RPLP0: variants seen among roughly 807,000 people sequenced by gnomAD.
RPLP0 encodes the protein large ribosomal subunit protein uL10.
For missense variants in RPLP0, 276 were observed against 402.9 expected (o/e 0.69, Z 2.70); for synonymous variants, 137 against 153.4 (o/e 0.89, Z 0.79).
In RPLP0 at chr12:120,196,941, G is replaced by C. The variant is rs1486026136; in HGVS notation, c.793-7C>G. Reference sequence around the variant, plus strand: ...CAGCCAAGAAGGCCTTGACCTGAAAGGAGGGGGGAAGTGGTCAAAATGGTC... The same window carrying C: ...CAGCCAAGAAGGCCTTGACCTGAAACGAGGGGGGAAGTGGTCAAAATGGTC... On this transcript the variant is annotated splice_polypyrimidine_tract_variant and splice_region_variant and intron_variant, in intron 7 of 7. Transcript: ENST00000392514. 1.9e-6 allele frequency: 3 copies of C among 1,613,228 alleles called. No homozygotes were observed. Among genetic ancestry groups the C allele is most frequent in the Middle Eastern group, 1.8e-4 (1 of 5,520 alleles).
At chr12:120,199,663 G>T in intron 2 of RPLP0, 178 bp from the exon 3 acceptor site, 1 of 621,562 alleles carries the variant, frequency 1.6e-6, no homozygotes, top group Non-Finnish European at 2.8e-6. Flanking sequence ...TGGCTAGCTG[G>T]GTATGAACGC....
intron 2 of RPLP0, chr12:120,200,392 AG>A: frequency 9.0e-6 from 3 of 331,920 alleles, no homozygotes; most frequent in Non-Finnish European, 1.7e-5. Context: ...GAACCTGGGA[AG>A]CGGAGGTTGC....
rs1471088570 is a variant in RPLP0, at chr12:120,197,189, A to G, written c.792+133T>C. On this transcript the variant is annotated intron_variant, in intron 7 of 7. Coordinates refer to ENST00000392514, the MANE Select transcript of RPLP0 (RefSeq NM_001002.4). ...TGAGAAACGCCTTCCCTGCCTCCCAACCTCTCAAATATCCCCTCACAAAAT... is the reference window on the plus strand; with the variant it reads ...TGAGAAACGCCTTCCCTGCCTCCCAGCCTCTCAAATATCCCCTCACAAAAT... 1.9e-5 allele frequency: 20 copies of G among 1,031,924 alleles called. No homozygotes were observed. The Admixed American group carries it at 3.5e-4, about 18-fold the overall frequency. 63.9% of individuals were successfully genotyped at this position (1,031,924 alleles called of 1,614,324 possible). A position where few individuals can be genotyped will look rare whatever the true frequency, so the allele number is the denominator to read the frequency against.
rs1879449606 is a variant in RPLP0, at chr12:120,201,098, C to T, written c.-64G>A. ...GCACACGAACCTTCCACGAGGACGC[C>T]TGGCGAGAGAAGGGCCTCGCGCCCG... On this transcript the variant is annotated 5_prime_UTR_variant, in exon 1 of 8. Transcript: ENST00000392514. 5.5e-6 allele frequency: 2 copies of T among 360,914 alleles called. No individual in the cohort carries two copies. 22.4% of individuals were successfully genotyped at this position (360,914 alleles called of 1,614,324 possible).
intron 4 of RPLP0, 30 bp from the exon 5 acceptor site, chr12:120,199,030 C>G (rs752644484): frequency 8.1e-6 from 13 of 1,613,676 alleles, no homozygotes; most frequent in Non-Finnish European, 2.5e-6. Flanking sequence ...GTGAGAAAAG[C>G]CTCTCCACTC....
chr12:120,197,146 C>T lies in RPLP0; in HGVS notation c.792+176G>A. 2.9e-6 allele frequency: 3 copies of T among 1,027,478 alleles called. No individual in the cohort carries two copies. In the East Asian group the frequency reaches 7.2e-5, roughly 25 times the overall value. The allele number at this position is 1,027,478 out of a possible 1,614,324, so 63.6% of individuals were successfully genotyped here. A position where few individuals can be genotyped will look rare whatever the true frequency, so the allele number is the denominator to read the frequency against. On this transcript the variant is annotated intron_variant, in intron 7 of 7. Transcript: ENST00000392514. ...TTGCCCATTAACCCCCTCTTTGGGT[C>T]TCTTGTCATTTCTCAAGTGAGAAAC...
chr12:120,200,683 T>TGC (rs771741866), intron 2 of RPLP0, 47 bp downstream of exon 2: 1 of 1,588,552 alleles, frequency 6.3e-7, no homozygotes, highest in East Asian at 2.3e-5. Context: ...TGTCCCTATT[T>TGC]GCGCTGGGGC....
intron 7 of RPLP0, 59 bp downstream of exon 7, chr12:120,197,263 C>T: frequency 4.0e-6 from 6 of 1,486,708 alleles, no homozygotes; most frequent in Non-Finnish European, 5.6e-6. Flanking sequence ...TAGAAGGCCA[C>T]ATCACCCTGC....
chr12:120,196,973 ACTC>A (rs1473897204), intron 7 of RPLP0, 39 bp from the exon 8 acceptor site: 15 of 1,611,044 alleles, frequency 9.3e-6, no homozygotes, highest in Non-Finnish European at 1.3e-5. Context: ...GGTCATCCAC[ACTC>A]CTCTATTACC....
At chr12:120,199,848 C>G (rs1049204413) in intron 2 of RPLP0, 4 of 362,160 alleles carry the variant, frequency 1.1e-5, no homozygotes, top group South Asian at 4.3e-5. Flanking sequence ...TTAAAAGCAC[C>G]ACGTTAAGCA....
Position 120,198,680 on chromosome 12 carries a change from C to A in RPLP0, c.525G>T (p.Leu175=). 6.2e-7 allele frequency: 1 copy of A among 1,614,116 alleles called. No homozygotes were observed. Among genetic ancestry groups the A allele is most frequent in the Non-Finnish European group, 8.5e-7 (1 of 1,179,984 alleles). ...AGAAGGGGGAGATGTTGAGCATGTT[C>A]AGCAGCGTGGCTTCGCTGGCTCCCA... is the stretch of plus-strand genomic sequence containing the variant. ...DKVGASEATL[L]NMLNISPFSF... The change falls in exon 6 of 8, where the codon CTG becomes CTT. Residue 175 remains leucine, a synonymous_variant. Coordinates refer to ENST00000392514, the MANE Select transcript of RPLP0 (RefSeq NM_001002.4). The surrounding 1 kb of genome is among the most constrained non-coding windows in gnomAD (Gnocchi z 4.1).
At chr12:120,201,007 G>T in intron 1 of RPLP0, 76 bp downstream of exon 1, 1 of 635,300 alleles carries the variant, frequency 1.6e-6, no homozygotes, top group Non-Finnish European at 2.5e-6. Context: ...AGGACTCCAT[G>T]TTCCCAAAGG....
rs1007704569 is a variant in RPLP0, at chr12:120,201,088, A to G, written c.-54T>C. 1 of 363,900 alleles carries G rather than the reference A, an allele frequency of 2.7e-6. No individual in the cohort carries two copies. The highest frequency in any genetic ancestry group is 2.1e-5 in the African/African-American group (1 of 47,646). 22.5% of individuals were successfully genotyped at this position (363,900 alleles called of 1,614,324 possible). On this transcript the variant is annotated 5_prime_UTR_variant, in exon 1 of 8. Transcript: ENST00000392514. ...CATCTAACTAGCACACGAACCTTCC[A>G]CGAGGACGCCTGGCGAGAGAAGGGC...
rs528888750 is a variant in RPLP0 at position 120,197,946 on chromosome 12, T to C, written c.652-484A>G. On this transcript the variant is annotated intron_variant, in intron 6 of 7. Coordinates refer to ENST00000392514, the MANE Select transcript of RPLP0 (RefSeq NM_001002.4). ...TATTTAAAGGGCATTATTTTTTTTG[T>C]GAGACAGAGTCTCACTCTGTCACTC... is the stretch of plus-strand genomic sequence containing the variant. 2.2e-4 allele frequency: 36 copies of C among 164,730 alleles called. No individual in the cohort carries two copies. The South Asian group carries it at 5.0e-3, about 23-fold the overall frequency. The allele number at this position is 164,730 out of a possible 1,614,324, so 10.2% of individuals were successfully genotyped here.
chr12:120,199,395 C>T lies in RPLP0; in HGVS notation c.145G>A (p.Gly49Arg), dbSNP rs12580544. 19 of 1,614,022 alleles carry T rather than the reference C, an allele frequency of 1.2e-5. No individual in the cohort carries two copies. Among genetic ancestry groups the T allele is most frequent in the East Asian group, 8.9e-5 (4 of 44,894 alleles). ...QMQQIRMSLR[G>R]KAVVLMGKNT... ...TTGCCCATCAGCACCACAGCCTTCC[C>T]GCGAAGGGACATGCGGATCTGCTGC... Residue 49 changes from glycine to arginine, a missense_variant, in exon 3 of 8, where the codon GGG becomes AGG. Coordinates refer to ENST00000392514, the MANE Select transcript of RPLP0 (RefSeq NM_001002.4).
Position 120,198,334 on chromosome 12 carries a change from G to A in RPLP0, c.651+220C>T. On this transcript the variant is annotated intron_variant, in intron 6 of 7. Coordinates refer to ENST00000392514, the MANE Select transcript of RPLP0 (RefSeq NM_001002.4). The surrounding 1 kb of genome is among the most constrained non-coding windows in gnomAD (Gnocchi z 4.1). ...CGGAGGCGGAGCTTGCAGTGAGCCG[G>A]GAGATTGTGCCACTGCACTCCAGCC... 2 of 529,322 alleles carry A rather than the reference G, an allele frequency of 3.8e-6. No homozygotes were observed. The highest frequency in any genetic ancestry group is 6.8e-6 in the Non-Finnish European group (2 of 296,160). The allele number at this position is 529,322 out of a possible 1,614,324, so 32.8% of individuals were successfully genotyped here.
chr12:120,198,402 A>AAAC lies in RPLP0; in HGVS notation c.651+151_651+152insGTT, dbSNP rs1555304472. On this transcript the variant is annotated intron_variant, in intron 6 of 7. Transcript: ENST00000392514. The surrounding 1 kb of genome is among the most constrained non-coding windows in gnomAD (Gnocchi z 4.1). The stretch of plus-strand genomic sequence containing the variant: ...CTCTGTCTCCAAAAAAAAAAAAAAA[A>AAAC]AATCCTTCAACAATCTTATGTTGTT... The AAAC allele has an allele frequency of 4.1e-4, 339 of 820,978 alleles. No homozygotes were observed. The highest frequency in any genetic ancestry group is 1.8e-3 in the East Asian group (62 of 34,948). The allele number at this position is 820,978 out of a possible 1,614,324, so 50.9% of individuals were successfully genotyped here.
At chr12:120,200,936 G>C in intron 1 of RPLP0, 105 bp from the exon 2 acceptor site, 1 of 1,364,868 alleles carries the variant, frequency 7.3e-7, no homozygotes, top group Non-Finnish European at 9.6e-7. Flanking sequence ...GCCCTGCCTA[G>C]GGCAGCGGCC....
rs1277526244 is a variant in RPLP0, at chr12:120,198,371, G to C, written c.651+183C>G. 1.6e-6 allele frequency: 1 copy of C among 638,944 alleles called. No homozygotes were observed. Among genetic ancestry groups the C allele is most frequent in the Non-Finnish European group, 2.6e-6 (1 of 385,382 alleles). The allele number at this position is 638,944 out of a possible 1,614,324, so 39.6% of individuals were successfully genotyped here. A position where few individuals can be genotyped will look rare whatever the true frequency, so the allele number is the denominator to read the frequency against. ...ACTGCACTCCAGCCTGGGCGACACAGCAAGACTCTGTCTCCAAAAAAAAAA... is the reference window on the plus strand; with the variant it reads ...ACTGCACTCCAGCCTGGGCGACACACCAAGACTCTGTCTCCAAAAAAAAAA... On this transcript the variant is annotated intron_variant, in intron 6 of 7. Coordinates refer to ENST00000392514, the MANE Select transcript of RPLP0 (RefSeq NM_001002.4). The surrounding 1 kb of genome is among the most constrained non-coding windows in gnomAD (Gnocchi z 4.1).
Sources: gnomAD v4.1 joint callset for allele counts on GRCh38, gnomAD v4.1.1 for gene constraint, Gnocchi (gnomAD v3.1) non-coding constraint, MANE v1.5 for transcripts, NCBI Gene and HGNC (gene_info 2026-07-23, HGNC 2026-07-21) for gene names.